Variants in ANTXR1 observed in about 807,000 individuals in gnomAD.
ANTXR1 encodes ANTXR cell adhesion molecule 1.
In ANTXR1, 19 loss-of-function variants were observed where a neutral mutation model predicts 78.1. That is an observed-to-expected ratio of 0.24 (90% confidence interval 0.17 to 0.36). The LOEUF is 0.36. Among genes scored for constraint, ANTXR1 ranks in the 10% least tolerant of loss-of-function variants. The pLI is 1.00. For missense variants in ANTXR1, 518 were observed against 718.6 expected (o/e 0.72, Z 3.19); for synonymous variants, 273 against 260.5 (o/e 1.05, Z -0.46).
At chr2:69,044,384 A>G (rs1432157962) in intron 2 of ANTXR1, among the ~76,000 whole-genome samples, 1 of 152,188 alleles carries the variant, frequency 6.6e-6, no homozygotes, top group East Asian at 1.9e-4. Context: ...AATTTTACCT[A>G]TCGGGATCCC....
rs528042149 is a variant in ANTXR1, at chr2:69,135,295, A to G, written c.951+10652A>G. The G allele has an allele frequency of 5.3e-4, 85 of 160,670 alleles. 1 individual carries two copies. In the South Asian group the frequency reaches 8.0e-3, roughly 15 times the overall value. The allele number at this position is 160,670 out of a possible 1,614,324, so 10.0% of individuals were successfully genotyped here. On this transcript the variant is annotated intron_variant, in intron 12 of 17. Transcript: ENST00000303714. ...TTTGACATTTCCTTGTTTTGAGAGT[A>G]AATTGAGAAAAAAAATATTTTTCTG...
intron 12 of ANTXR1, among the ~76,000 whole-genome samples, chr2:69,134,294 A>G (rs370216874): frequency 8.0e-4 from 122 of 152,312 alleles, no homozygotes; most frequent in African/African-American, 2.9e-3. Context: ...TAGCATAGAG[A>G]CAATATTCAA....
At chr2:69,245,138 T>C (rs1190009191) in intron 17 of ANTXR1, 87 bp from the exon 18 acceptor site, 2 of 1,511,340 alleles carry the variant, frequency 1.3e-6, no homozygotes, top group Non-Finnish European at 9.2e-7. Flanking sequence ...GCTTTCCACA[T>C]ATTGCTTGCA....
Position 69,115,220 on chromosome 2 carries a change from A to G in ANTXR1, c.803-7797A>G, listed in dbSNP as rs569160648. ...GGGCAAAATCAACCCCCATTTGAGA[A>G]CACTGCACTATATTCATGTCCAAAG... On this transcript the variant is annotated intron_variant, in intron 10 of 17. Transcript: ENST00000303714. Among the ~76,000 whole-genome samples the G allele has an allele frequency of 5.9e-5, 9 of 152,348 alleles. No homozygotes were observed. In the East Asian group the frequency reaches 1.7e-3, roughly 29 times the overall value.
intron 3 of ANTXR1, among the ~76,000 whole-genome samples, chr2:69,058,345 G>GTAGC (rs1363202541): frequency 6.6e-6 from 1 of 152,136 alleles, no homozygotes; most frequent in African/African-American, 2.4e-5. Context: ...AGGAGTGAAG[G>GTAGC]TAGCTGGTGA....
chr2:69,082,726 A>T (rs1426673496), intron 8 of ANTXR1, among the ~76,000 whole-genome samples: 2 of 152,056 alleles, frequency 1.3e-5, no homozygotes, highest in Non-Finnish European at 2.9e-5. Context: ...CTTGGTGTGC[A>T]ACTGAGGGTG....
chr2:69,104,759 C>T (rs914330450), intron 10 of ANTXR1, among the ~76,000 whole-genome samples: 2 of 152,078 alleles, frequency 1.3e-5, no homozygotes, highest in Non-Finnish European at 2.9e-5. Flanking sequence ...CCCTATGTGC[C>T]GTTGCTCAAA....
chr2:69,115,347 A>T (rs568269853), intron 10 of ANTXR1, among the ~76,000 whole-genome samples: 7 of 152,386 alleles, frequency 4.6e-5, no homozygotes, highest in South Asian at 2.1e-4. Context: ...TTGTGCACAC[A>T]TCCACAACTT....
intron 12 of ANTXR1, among the ~76,000 whole-genome samples, chr2:69,148,308 G>C (rs950140924): frequency 1.3e-5 from 2 of 152,154 alleles, no homozygotes; most frequent in African/African-American, 4.8e-5. Flanking sequence ...CCAGGGACTT[G>C]TGCTTGCCTT....
intron 17 of ANTXR1, among the ~76,000 whole-genome samples, chr2:69,227,428 C>T (rs1675484100): frequency 6.6e-6 from 1 of 152,068 alleles, no homozygotes; most frequent in South Asian, 2.1e-4. Context: ...CAGAAGATCA[C>T]CACAAGAGCC....
intron 13 of ANTXR1, among the ~76,000 whole-genome samples, chr2:69,168,460 A>G (rs923660937): frequency 6.6e-6 from 1 of 152,206 alleles, no homozygotes; most frequent in East Asian, 1.9e-4. Context: ...TGCTGTGCTT[A>G]GCTCATAGCA....
chr2:69,076,447 T>C (rs72827629), intron 7 of ANTXR1, among the ~76,000 whole-genome samples: 9,124 of 152,322 alleles, frequency 0.06, 358 homozygotes, highest in East Asian at 0.16. Context: ...TTACTAGCAA[T>C]CTAAATACAT....
intron 13 of ANTXR1, among the ~76,000 whole-genome samples, chr2:69,163,131 G>A (rs1025795780): frequency 4.6e-5 from 7 of 151,864 alleles, no homozygotes; most frequent in African/African-American, 7.3e-5. Context: ...CTTAGTTGAC[G>A]TGAGTCTGAT....
intron 10 of ANTXR1, among the ~76,000 whole-genome samples, chr2:69,120,720 T>C (rs1162621942): frequency 1.3e-5 from 2 of 152,176 alleles, no homozygotes; most frequent in African/African-American, 4.8e-5. Context: ...TACATGATCC[T>C]ACACTGTCAT....
chr2:69,042,939 G>T (rs4527237), intron 2 of ANTXR1, among the ~76,000 whole-genome samples: 35,984 of 151,918 alleles, frequency 0.24, 9,412 homozygotes, highest in African/African-American at 0.65. Flanking sequence ...TCCCATACTA[G>T]TGTTGGTTTT....
At chr2:69,027,387 G>T (rs1671376718) in intron 1 of ANTXR1, among the ~76,000 whole-genome samples, 1 of 152,186 alleles carries the variant, frequency 6.6e-6, no homozygotes, top group Non-Finnish European at 1.5e-5. Context: ...TGAAGTAGAG[G>T]CCAGGCCAAA....
At chr2:69,030,179 T>C (rs1414596024) in intron 1 of ANTXR1, among the ~76,000 whole-genome samples, 1 of 152,184 alleles carries the variant, frequency 6.6e-6, no homozygotes, top group Non-Finnish European at 1.5e-5. Flanking sequence ...CCCTCACCAA[T>C]AGAATCTGGG....
intron 10 of ANTXR1, among the ~76,000 whole-genome samples, chr2:69,117,259 C>A (rs1355694364): frequency 2.6e-5 from 4 of 152,172 alleles, no homozygotes; most frequent in Non-Finnish European, 5.9e-5. Context: ...ACTAGCTGGG[C>A]TTACACTGGG....
Position 69,164,177 on chromosome 2 carries a change from G to A in ANTXR1, c.1048-6071G>A, listed in dbSNP as rs555228776. 2.5e-3 allele frequency among the ~76,000 whole-genome samples: 379 copies of A among 152,300 alleles called. 2 individuals carry two copies. The highest frequency in any genetic ancestry group is 3.2e-3 in the Non-Finnish European group (217 of 68,024). ...GAATTTACATGGAAGCCTGGGTTAG[G>A]GGATGAAAGGGGGTATAGGTGGTAT... On this transcript the variant is annotated intron_variant, in intron 13 of 17. Transcript: ENST00000303714.
Sources: gnomAD v4.1 joint callset for allele counts (sites outside exome capture counted in the v4.1 genomes callset) on GRCh38, gnomAD v4.1.1 for gene constraint, MANE v1.5 for transcripts, NCBI Gene and HGNC (gene_info 2026-07-23, HGNC 2026-07-21) for gene names.